PRKAR1B: variants seen among roughly 807,000 people sequenced by gnomAD.
PRKAR1B encodes protein kinase cAMP-dependent type I regulatory subunit beta.
PRKAR1B carries 22 observed loss-of-function variants against 46.5 expected under a neutral mutation model. That is an observed-to-expected ratio of 0.47 (90% CI 0.34 to 0.68). The LOEUF (loss-of-function observed/expected upper bound fraction) is 0.68. Ranked by LOEUF, PRKAR1B falls within the 30% of genes least tolerant of loss-of-function variation. The pLI is 0.01. For synonymous variants in PRKAR1B, 259 were observed against 217.7 expected, an observed-to-expected ratio of 1.19 and a Z score of -1.67; for missense variants, 445 against 535.6, an observed-to-expected ratio of 0.83 and a Z score of 1.67.
At chr7:715,096 G>C (rs1780825983) in intron 1 of PRKAR1B, among the ~76,000 whole-genome samples, 1 of 152,152 alleles carries the variant, frequency 6.6e-6, no homozygotes, top group Non-Finnish European at 1.5e-5. Context: ...TGAAGCAGGA[G>C]AATCACTTGA....
At chr7:594,416 C>G (rs1326815558) in intron 7 of PRKAR1B, among the ~76,000 whole-genome samples, 2 of 152,168 alleles carry the variant, frequency 1.3e-5, no homozygotes, top group Admixed American at 1.3e-4. Context: ...AGACGCTGTC[C>G]GGGGCTGCAT....
At chr7:657,406 T>C in intron 4 of PRKAR1B, among the ~76,000 whole-genome samples, 1 of 149,852 alleles carries the variant, frequency 6.7e-6, no homozygotes, top group Admixed American at 6.6e-5. Flanking sequence ...GATGGATGGA[T>C]GGATGGATGG....
Position 659,069 on chromosome 7 carries a change from G to A in PRKAR1B, c.440+18160C>T, listed in dbSNP as rs369415981. ...CACACACACAGCACAGACACTCTGCGGAGATGTGCAGGACGGCTCACAAAC... is the reference window on the plus strand; with the variant it reads ...CACACACACAGCACAGACACTCTGCAGAGATGTGCAGGACGGCTCACAAAC... On this transcript the variant is annotated intron_variant, in intron 4 of 10. Transcript: ENST00000537384. Among the ~76,000 whole-genome samples the A allele has an allele frequency of 6.7e-5, 9 of 133,844 alleles. No homozygotes were observed. The East Asian group carries it at 1.3e-3, about 20-fold the overall frequency. The allele number at this position is 133,844 out of a possible 152,430, so 87.8% of individuals were successfully genotyped here.
intron 4 of PRKAR1B, among the ~76,000 whole-genome samples, chr7:653,054 TGGTGGCTG>T: frequency 6.6e-6 from 1 of 152,172 alleles, no homozygotes; most frequent in Admixed American, 6.5e-5. Flanking sequence ...CCCCACTGCA[TGGTGGCTG>T]GGCGCCAAGA....
chr7:690,927 A>T (rs1436145510), intron 2 of PRKAR1B, among the ~76,000 whole-genome samples: 1 of 152,202 alleles, frequency 6.6e-6, no homozygotes, highest in East Asian at 1.9e-4. Flanking sequence ...CAGCCACCAC[A>T]GGCTCCTCTC....
intron 9 of PRKAR1B, among the ~76,000 whole-genome samples, chr7:564,212 C>A (rs1562521899): frequency 6.6e-6 from 1 of 152,200 alleles, no homozygotes; most frequent in Non-Finnish European, 1.5e-5. Context: ...CTGGACACCC[C>A]TGTGGGAACC....
At chr7:671,748 C>T (rs1786267883) in intron 4 of PRKAR1B, among the ~76,000 whole-genome samples, 1 of 152,272 alleles carries the variant, frequency 6.6e-6, no homozygotes, top group African/African-American at 2.4e-5. Context: ...TCCCTGTGGC[C>T]CCAGCACCCC....
chr7:672,422 G>C (rs1786311375), intron 4 of PRKAR1B, among the ~76,000 whole-genome samples: 2 of 151,984 alleles, frequency 1.3e-5, no homozygotes. Flanking sequence ...AGAGTGTTGG[G>C]ATTACAGGCA....
chr7:587,095 C>T (rs372786973), intron 7 of PRKAR1B, among the ~76,000 whole-genome samples: 2 of 152,024 alleles, frequency 1.3e-5, no homozygotes, highest in Admixed American at 6.6e-5. Flanking sequence ...CTGTGTTAAC[C>T]AGGAATTTAT....
chr7:654,151 C>T (rs1785059814), intron 4 of PRKAR1B, among the ~76,000 whole-genome samples: 1 of 151,396 alleles, frequency 6.6e-6, no homozygotes, highest in African/African-American at 2.4e-5. Flanking sequence ...ATCATTTCTT[C>T]ACAATCACTA....
At chr7:563,169 C>T (rs1373417076) in intron 9 of PRKAR1B, among the ~76,000 whole-genome samples, 1 of 152,210 alleles carries the variant, frequency 6.6e-6, no homozygotes, top group Non-Finnish European at 1.5e-5. Flanking sequence ...AGGGCAGGTG[C>T]AGGTGGGCAG....
chr7:553,390 T>G (rs1311278239), intron 9 of PRKAR1B, among the ~76,000 whole-genome samples: 1 of 152,202 alleles, frequency 6.6e-6, no homozygotes. Context: ...GACCGGTCCC[T>G]AGTCCCCGGA....
rs1389366125 is a variant in PRKAR1B at position 593,248 on chromosome 7, G to A, written c.708+2898C>T. ...ACTGGAGTCAGCGTTCACATTTTGG[G>A]CGGTGGTCTACTTCCTGGAGACACC... On this transcript the variant is annotated intron_variant, in intron 7 of 10. Transcript: ENST00000537384. The surrounding 1 kb of genome is among the most constrained non-coding windows in gnomAD (Gnocchi z 6.1). Among the ~76,000 whole-genome samples, 1 of 152,036 alleles carries A rather than the reference G, an allele frequency of 6.6e-6. No individual in the cohort carries two copies. The highest frequency in any genetic ancestry group is 1.9e-4 in the East Asian group (1 of 5,170).
intron 1 of PRKAR1B, among the ~76,000 whole-genome samples, chr7:721,282 T>C (rs1490510150): frequency 6.6e-6 from 1 of 152,230 alleles, no homozygotes; most frequent in Non-Finnish European, 1.5e-5. Context: ...AGATGGTCAG[T>C]GACATTGACT....
At chr7:727,430 A>AC (rs1476764835), upstream of PRKAR1B, 2 of 352,260 alleles carry the variant, frequency 5.7e-6, no homozygotes, top group Admixed American at 1.0e-4. Context: ...CCACGCCCGC[A>AC]CCCCCCAACA....
intron 4 of PRKAR1B, among the ~76,000 whole-genome samples, chr7:643,926 C>T (rs966526973): frequency 3.3e-5 from 5 of 152,158 alleles, no homozygotes; most frequent in African/African-American, 9.7e-5. Flanking sequence ...CAAGTCACAC[C>T]AGCCTTTCCA....
intron 4 of PRKAR1B, among the ~76,000 whole-genome samples, chr7:636,569 A>G (rs527703044): frequency 6.6e-6 from 1 of 152,266 alleles, no homozygotes; most frequent in East Asian, 1.9e-4. Context: ...TGCCCCACCC[A>G]GAATGGTCCT....
rs191835558 is a variant in PRKAR1B, at chr7:580,961, G to C, written c.770-1584C>G. On this transcript the variant is annotated intron_variant, in intron 8 of 10. Transcript: ENST00000537384. The stretch of plus-strand genomic sequence containing the variant: ...GGGCAGATTCTGCAGCATAGGGAAG[G>C]GGGGCGAGGACCCCACAACCAGAGC... Among the ~76,000 whole-genome samples, 1,128 of 152,198 alleles carry C rather than the reference G, an allele frequency of 7.4e-3. 14 individuals carry two copies. Among genetic ancestry groups the C allele is most frequent in the African/African-American group, 0.025 (1,056 of 41,516 alleles).
intron 4 of PRKAR1B, among the ~76,000 whole-genome samples, chr7:628,123 C>T (rs777416318): frequency 2.2e-4 from 33 of 152,218 alleles, no homozygotes; most frequent in African/African-American, 7.2e-4. Context: ...CAGCCATCCA[C>T]GGCCACGCGG....
Sources: gnomAD v4.1 joint callset for allele counts (sites outside exome capture counted in the v4.1 genomes callset) on GRCh38, gnomAD v4.1.1 for gene constraint, Gnocchi (gnomAD v3.1) non-coding constraint, MANE v1.5 for transcripts, NCBI Gene and HGNC (gene_info 2026-07-23, HGNC 2026-07-21) for gene names.